The following CPA4 variants were observed in gnomAD, a reference collection of about 807,000 sequenced individuals.
CPA4 encodes carboxypeptidase A4.
A neutral mutation model predicts 54.7 loss-of-function variants in CPA4; 49 were observed. That is an observed-to-expected ratio of 0.90 (90% confidence interval 0.71 to 1.14). CPA4 has a LOEUF of 1.14. Among genes scored for constraint, CPA4 ranks in the 50% most tolerant of loss-of-function variants. The pLI is 0.00. For synonymous variants in CPA4, 215 were observed against 206.8 expected (o/e 1.04, Z -0.34); for missense variants, 487 against 525.1 (o/e 0.93, Z 0.71).
chr7:130,304,698 G>A lies in CPA4; in HGVS notation c.486+119G>A, dbSNP rs114733363. 4.1e-5 allele frequency: 29 copies of A among 715,244 alleles called. No individual in the cohort carries two copies. In the South Asian group the frequency reaches 4.3e-4, roughly 11 times the overall value. The allele number at this position is 715,244 out of a possible 1,614,324, so 44.3% of individuals were successfully genotyped here. On this transcript the variant is annotated intron_variant, in intron 5 of 10. Coordinates refer to ENST00000222482, the MANE Select transcript of CPA4 (RefSeq NM_016352.4). The stretch of plus-strand genomic sequence containing the variant: ...ACTTCAGGGAGGAAAGCGAGGTCAG[G>A]ACACATTGTACCTGGGCTGGAACTT...
intron 1 of CPA4, among the ~76,000 whole-genome samples, chr7:130,297,977 A>G (rs1450615954): frequency 6.6e-6 from 1 of 152,140 alleles, no homozygotes; most frequent in East Asian, 1.9e-4. Flanking sequence ...CTCAGGACAA[A>G]CGACAAAGGG....
At position 130,322,846 on chromosome 7, in the gene CPA4, TC is replaced by T. The variant is rs548616566; in HGVS notation, c.*173del. 267 of 546,888 alleles carry T rather than the reference TC, an allele frequency of 4.9e-4. 1 individual carries two copies. Among genetic ancestry groups the T allele is most frequent in the African/African-American group, 4.5e-3 (239 of 52,742 alleles). The allele number at this position is 546,888 out of a possible 1,614,324, so 33.9% of individuals were successfully genotyped here. On this transcript the variant is annotated 3_prime_UTR_variant, in exon 11 of 11. Transcript: ENST00000222482. Reference sequence around the variant, plus strand: ...CCTGGAGTCGTGTGTCCTGGCAGTGTCCCTGCAAGAACTGGTTCTGCCAGCC... The same window carrying T: ...CCTGGAGTCGTGTGTCCTGGCAGTGTCCTGCAAGAACTGGTTCTGCCAGCC...
In CPA4 at chr7:130,316,695, T is replaced by C. The variant is rs138970884; in HGVS notation, c.1078+4573T>C. Among the ~76,000 whole-genome samples the C allele has an allele frequency of 3.0e-3, 457 of 152,190 alleles. 5 individuals are homozygous for C. Among genetic ancestry groups the C allele is most frequent in the African/African-American group, 0.01 (435 of 41,542 alleles). ...GCTCACGCCTGTAATCCTCCCACTT[T>C]GGGAGGCCGAGGCGGGTGGATCACC... On this transcript the variant is annotated intron_variant, in intron 10 of 10. Coordinates refer to ENST00000222482, the MANE Select transcript of CPA4 (RefSeq NM_016352.4).
intron 1 of CPA4, among the ~76,000 whole-genome samples, chr7:130,296,089 G>T (rs943496507): frequency 1.3e-5 from 2 of 152,238 alleles, no homozygotes; most frequent in Non-Finnish European, 2.9e-5. Context: ...CTTCATGGGT[G>T]ATGTGAGTTG....
At chr7:130,299,175 T>A in intron 2 of CPA4, 95 bp from the exon 3 acceptor site, 1 of 1,312,200 alleles carries the variant, frequency 7.6e-7, no homozygotes, top group Non-Finnish European at 1.1e-6. Context: ...CTCTCAGGGA[T>A]CACCCTGGCT....
At chr7:130,303,871 G>C (rs1275612805) in intron 4 of CPA4, among the ~76,000 whole-genome samples, 3 of 151,738 alleles carry the variant, frequency 2.0e-5, no homozygotes, top group Admixed American at 6.6e-5. Context: ...CGAACTCCTG[G>C]GCTCAAGTGA....
chr7:130,318,835 T>C (rs1331738585), intron 10 of CPA4, among the ~76,000 whole-genome samples: 1 of 152,248 alleles, frequency 6.6e-6, no homozygotes, highest in Non-Finnish European at 1.5e-5. Flanking sequence ...CCATAGGTTA[T>C]GGTGTGTGCT....
chr7:130,319,559 G>A (rs1299563252), intron 10 of CPA4, among the ~76,000 whole-genome samples: 2 of 152,188 alleles, frequency 1.3e-5, no homozygotes, highest in Non-Finnish European at 2.9e-5. Context: ...ATGGCACAGG[G>A]GAATCACAGG....
chr7:130,308,850 CTT>C (rs1249548992), intron 8 of CPA4, among the ~76,000 whole-genome samples: 15 of 120,142 alleles, frequency 1.2e-4, no homozygotes, highest in African/African-American at 1.1e-4. Context: ...CTAGCCCAGC[CTT>C]TTTTTTTTTT....
chr7:130,315,679 G>T (rs932601463), intron 10 of CPA4, among the ~76,000 whole-genome samples: 49 of 152,268 alleles, frequency 3.2e-4, no homozygotes, highest in African/African-American at 1.1e-3. Context: ...TCCTGACAAG[G>T]TATTAGCCAG....
chr7:130,317,165 A>C (rs1428094902), intron 10 of CPA4, among the ~76,000 whole-genome samples: 2 of 152,166 alleles, frequency 1.3e-5, no homozygotes, highest in African/African-American at 4.8e-5. Flanking sequence ...GATGACAGGC[A>C]CGAGCCAGTG....
intron 1 of CPA4, among the ~76,000 whole-genome samples, chr7:130,296,438 C>G (rs1422180111): frequency 6.6e-6 from 1 of 152,216 alleles, no homozygotes; most frequent in Non-Finnish European, 1.5e-5. Context: ...CCAGGAATGT[C>G]TACAAGTTCT....
At chr7:130,315,115 A>T (rs1179296183) in intron 10 of CPA4, among the ~76,000 whole-genome samples, 1 of 148,828 alleles carries the variant, frequency 6.7e-6, no homozygotes, top group African/African-American at 2.5e-5. Flanking sequence ...TGAGGGGGGG[A>T]ATTGGGGGTA....
chr7:130,306,855 G>A lies in CPA4; in HGVS notation c.660G>A (p.Leu220=), dbSNP rs759405510. The change falls in exon 7 of 11, where the codon TTG becomes TTA. Residue 220 remains leucine (L), a synonymous_variant. Transcript: ENST00000222482. ...SILEKMDIFL[L]PVANPDGYVY... ...TGGAGAAAATGGATATTTTCTTGTTGCCTGTGGCCAATCCTGATGGATATG... is the reference window on the plus strand; with the variant it reads ...TGGAGAAAATGGATATTTTCTTGTTACCTGTGGCCAATCCTGATGGATATG... 2.5e-6 allele frequency: 4 copies of A among 1,611,858 alleles called. No individual in the cohort carries two copies.
intron 10 of CPA4, among the ~76,000 whole-genome samples, chr7:130,316,070 G>A (rs1793983094): frequency 2.6e-5 from 4 of 152,164 alleles, no homozygotes; most frequent in Admixed American, 1.3e-4. Context: ...TAGGATAAAA[G>A]GAGGGGATAT....
chr7:130,300,791 T>C (rs894648186), intron 3 of CPA4, 25 bp from the exon 4 acceptor site: 3 of 1,537,024 alleles, frequency 2.0e-6, no homozygotes, highest in Non-Finnish European at 2.7e-6. Context: ...ATGGATCACT[T>C]CACAACATTG....
At chr7:130,293,331 C>G (rs1793601408) in intron 1 of CPA4, 83 bp downstream of exon 1, 2 of 835,130 alleles carry the variant, frequency 2.4e-6, no homozygotes, top group African/African-American at 1.7e-5. Flanking sequence ...CTGATAATAG[C>G]TCACATGGAG....
At position 130,311,001 on chromosome 7, in the gene CPA4, C is replaced by T; in HGVS notation, c.993+15C>T. 6.2e-7 allele frequency: 1 copy of T among 1,610,854 alleles called. No individual in the cohort carries two copies. The highest frequency in any genetic ancestry group is 8.5e-7 in the Non-Finnish European group (1 of 1,178,100). On this transcript the variant is annotated intron_variant, in intron 9 of 10. Transcript: ENST00000222482. ...CCGAGGAACTCGTGAGTCACAGCTGCCTCCCACCCAGCCTGGGGCCCGCCT... is the reference window on the plus strand; with the variant it reads ...CCGAGGAACTCGTGAGTCACAGCTGTCTCCCACCCAGCCTGGGGCCCGCCT...
intron 1 of CPA4, among the ~76,000 whole-genome samples, chr7:130,297,006 G>A (rs753433938): frequency 2.6e-5 from 4 of 151,900 alleles, no homozygotes; most frequent in Non-Finnish European, 5.9e-5. Context: ...AGGTTAGAGT[G>A]CAGAGGTGTG....
Sources: gnomAD v4.1 joint callset for allele counts (sites outside exome capture counted in the v4.1 genomes callset) on GRCh38, gnomAD v4.1.1 for gene constraint, MANE v1.5 for transcripts, NCBI Gene and HGNC (gene_info 2026-07-23, HGNC 2026-07-21) for gene names.